NF1: variants seen among roughly 807,000 people sequenced by gnomAD.
NF1 encodes the protein neurofibromin 1.
A neutral mutation model predicts 325.7 loss-of-function variants in NF1; 122 were observed. The observed-to-expected ratio is 0.37, with a 90% CI of 0.32 to 0.44. The LOEUF is 0.44. NF1 is among the 20% of genes least tolerant of loss of function. NF1 has a pLI of 1.00. For missense variants in NF1, 2,140 were observed against 3,415.4 expected (o/e 0.63, Z 9.31); for synonymous variants, 1,091 against 1,186.0 (o/e 0.92, Z 1.65).
At position 31,295,899 on chromosome 17, in the gene NF1, G is replaced by A. The variant is rs537790590; in HGVS notation, c.4836-29921G>A. 5.6e-5 allele frequency: 90 copies of A among 1,614,156 alleles called. 2 individuals carry two copies. The South Asian group carries it at 9.0e-4, about 16-fold the overall frequency. ...AGGTTGAGAACCTCGAGACTTCTTA[G>A]TGTATTTTTAATGAGGACAACCTTT... On this transcript the variant is annotated intron_variant, in intron 36 of 57. Coordinates refer to ENST00000358273, the MANE Select transcript of NF1 (RefSeq NM_001042492.3).
intron 5 of NF1, among the ~76,000 whole-genome samples, chr17:31,172,349 CTG>C (rs113715367): frequency 0.55 from 79,293 of 144,546 alleles, 23,878 homozygotes; most frequent in Middle Eastern, 0.74. Context: ...CTCTGTCTCT[CTG>C]TCTCTCTCTC....
At chr17:31,351,850 A>AT (rs931211692) in intron 50 of NF1, among the ~76,000 whole-genome samples, 44 of 150,006 alleles carry the variant, frequency 2.9e-4, no homozygotes, top group African/African-American at 5.6e-4. Context: ...ACATTAAGTG[A>AT]TTTTTTGGGG....
rs746163138 is a variant in NF1, at chr17:31,181,480, C to T, written c.645C>T (p.Ser215=). 1.1e-5 allele frequency: 17 copies of T among 1,613,326 alleles called. No homozygotes were observed. The highest frequency in any genetic ancestry group is 1.4e-5 in the Non-Finnish European group (17 of 1,179,522). ...TTGCGCAGTTAGCAGTTATAAATAG[C>T]CTGGAAAAGGTAAGTTACAACCTCT... ...KKVAQLAVIN[S]LEKAFWNWVE... The change falls in exon 6 of 58, where the codon AGC becomes AGT. Residue 215 remains serine (S), a synonymous_variant. Transcript: ENST00000358273.
intron 36 of NF1, among the ~76,000 whole-genome samples, chr17:31,287,778 G>A (rs2068263586): frequency 6.6e-6 from 1 of 151,912 alleles, no homozygotes; most frequent in South Asian, 2.1e-4. Context: ...AGCTCAAGCA[G>A]TCTGCCCACC....
At chr17:31,215,334 C>T (rs1050398638) in intron 13 of NF1, among the ~76,000 whole-genome samples, 1 of 152,118 alleles carries the variant, frequency 6.6e-6, no homozygotes, top group Non-Finnish European at 1.5e-5. Context: ...TATTAAATTT[C>T]TGAGAACATC....
At chr17:31,125,246 C>T (rs1048557664) in intron 1 of NF1, among the ~76,000 whole-genome samples, 84 of 151,864 alleles carry the variant, frequency 5.5e-4, no homozygotes, top group African/African-American at 2.0e-3. Context: ...TTCTTTTGAG[C>T]GTTAATCTAT....
chr17:31,287,131 T>G (rs2151490798), intron 36 of NF1, among the ~76,000 whole-genome samples: 1 of 152,368 alleles, frequency 6.6e-6, no homozygotes, highest in Non-Finnish European at 1.5e-5. Context: ...TTGTAAATTA[T>G]TTGAAGCATA....
At chr17:31,189,846 C>T (rs2066309582) in intron 8 of NF1, among the ~76,000 whole-genome samples, 1 of 150,322 alleles carries the variant, frequency 6.7e-6, no homozygotes, top group Non-Finnish European at 1.5e-5. Context: ...AGTGCAACCC[C>T]CGCCTCTCGG....
chr17:31,227,594 G>A lies in NF1; in HGVS notation c.2397G>A (p.Met799Ile), dbSNP rs2151427595. The A allele has an allele frequency of 1.9e-6, 3 of 1,613,724 alleles. No homozygotes were observed. Among genetic ancestry groups the A allele is most frequent in the South Asian group, 1.1e-5 (1 of 91,076 alleles). ...TCCTTAACTATCCAAAAGCCAAAAT[G>A]GAAGATGGCCAGGTAAGTCTGTAAA... ...KLILNYPKAK[M>I]EDGQAAESLH... The change falls in exon 20 of 58, where the codon ATG (methionine) becomes ATA (isoleucine). Residue 799 changes from methionine to isoleucine, a missense_variant. This residue lies in a region of NF1 where 380 missense variants were observed against 639.3 expected (regional missense o/e 0.59). Coordinates refer to ENST00000358273, the MANE Select transcript of NF1 (RefSeq NM_001042492.3).
At chr17:31,318,459 TGCC>T in intron 36 of NF1, 2 of 1,614,036 alleles carry the variant, frequency 1.2e-6, no homozygotes, top group Non-Finnish European at 1.7e-6. Flanking sequence ...ATAGACCGCT[TGCC>T]AGAAAATCGC....
intron 12 of NF1, among the ~76,000 whole-genome samples, chr17:31,211,792 GA>G (rs1375972597): frequency 2.0e-5 from 3 of 152,208 alleles, no homozygotes; most frequent in Non-Finnish European, 4.4e-5. Context: ...TGCAGGACTG[GA>G]AGTTGCTGTG....
At chr17:31,198,426 C>G (rs1042135745) in intron 8 of NF1, among the ~76,000 whole-genome samples, 6 of 152,106 alleles carry the variant, frequency 3.9e-5, no homozygotes, top group East Asian at 1.9e-4. Flanking sequence ...ACTGATTAAT[C>G]CCTTTACTAG....
At chr17:31,321,485 T>C (rs1953684005) in intron 36 of NF1, 1 of 152,222 alleles carries the variant, frequency 6.6e-6, no homozygotes, top group Admixed American at 6.5e-5. Context: ...GCCGTATATA[T>C]ATGACCTACC....
chr17:31,325,546 A>C (rs1479467054), intron 36 of NF1, among the ~76,000 whole-genome samples: 1 of 152,204 alleles, frequency 6.6e-6, no homozygotes, highest in Non-Finnish European at 1.5e-5. Flanking sequence ...GCAACCAACT[A>C]ATTCCCACTG....
chr17:31,248,831 CT>C (rs75577313), intron 29 of NF1, among the ~76,000 whole-genome samples, 152 bp from the exon 30 acceptor site: 180 of 144,618 alleles, frequency 1.2e-3, no homozygotes, highest in Middle Eastern at 3.6e-3. Context: ...TCAAAGTTGT[CT>C]TTTTTTTTTT....
At chr17:31,318,078 A>G (rs1432404737) in intron 36 of NF1, 1 of 488,256 alleles carries the variant, frequency 2.0e-6, no homozygotes, top group East Asian at 3.5e-5. Flanking sequence ...TCAAATGCTT[A>G]GTTATTTTAT....
intron 1 of NF1, among the ~76,000 whole-genome samples, chr17:31,155,329 GTCT>G (rs17882568): frequency 0.019 from 2,878 of 152,232 alleles, 101 homozygotes; most frequent in African/African-American, 0.066. Context: ...TGTAAATGTG[GTCT>G]TCTCATAGAA....
At chr17:31,289,868 TATGTG>T (rs1459948463) in intron 36 of NF1, among the ~76,000 whole-genome samples, 2 of 152,184 alleles carry the variant, frequency 1.3e-5, no homozygotes, top group Non-Finnish European at 2.9e-5. Context: ...ATTGTGCCAA[TATGTG>T]AACATGGCCA....
At chr17:31,365,026 C>T (rs542157147) in intron 57 of NF1, among the ~76,000 whole-genome samples, 5 of 152,158 alleles carry the variant, frequency 3.3e-5, no homozygotes, top group South Asian at 2.1e-4. Flanking sequence ...AGGCTGAGTG[C>T]GGTGGCTCAC....
Sources: gnomAD v4.1 joint callset for allele counts (sites outside exome capture counted in the v4.1 genomes callset) on GRCh38, gnomAD v4.1.1 for gene constraint, gnomAD v4.1.1 regional missense constraint, MANE v1.5 for transcripts, NCBI Gene and HGNC (gene_info 2026-07-23, HGNC 2026-07-21) for gene names.